ABL1: variants seen among roughly 807,000 people sequenced by gnomAD.
The protein encoded by ABL1 is ABL proto-oncogene 1, non-receptor tyrosine kinase, also known as tyrosine-protein kinase ABL1.
A neutral mutation model predicts 94.7 loss-of-function variants in ABL1; 11 were observed. The observed-to-expected ratio is 0.12, with a 90% CI of 0.07 to 0.19. The LOEUF (loss-of-function observed/expected upper bound fraction) is 0.19. Ranked by LOEUF, ABL1 falls within the 10% of genes least tolerant of loss-of-function variation. The pLI, the probability that ABL1 is intolerant of heterozygous loss-of-function variation, is 1.00. For missense variants in ABL1, 1,082 were observed against 1,489.4 expected, an observed-to-expected ratio of 0.73 and a Z score of 4.50; for synonymous variants, 656 against 622.4, an observed-to-expected ratio of 1.05 and a Z score of -0.80.
At chr9:130,856,081 G>GT (rs1354419400) in intron 3 of ABL1, among the ~76,000 whole-genome samples, 1 of 151,928 alleles carries the variant, frequency 6.6e-6, no homozygotes, top group Non-Finnish European at 1.5e-5. Flanking sequence ...ATGCCCAGCT[G>GT]TTTTTTGTTT....
intron 1 of ABL1, among the ~76,000 whole-genome samples, chr9:130,800,844 T>C (rs1830044991): frequency 6.6e-6 from 1 of 152,238 alleles, no homozygotes; most frequent in African/African-American, 2.4e-5. Context: ...ACAGCTGCTA[T>C]GAACATTTGT....
intron 1 of ABL1, among the ~76,000 whole-genome samples, chr9:130,828,430 G>A (rs990520043): frequency 2.0e-5 from 3 of 152,176 alleles, no homozygotes; most frequent in Non-Finnish European, 4.4e-5. Flanking sequence ...AGAAGATGTG[G>A]AAAATTGTCT....
rs34319384 is a variant in ABL1 at position 130,748,061 on chromosome 9, A to G, written c.136+33606A>G. ...CCTGGTATCCTCGGCTGAACTGGCT[A>G]TTGTCGGTATTTTTAATTTTAGCCA... On this transcript the variant is annotated intron_variant, in intron 1 of 10. Coordinates refer to the ABL1 transcript ENST00000372348. Among the ~76,000 whole-genome samples the G allele has an allele frequency of 3.3e-5, 5 of 152,214 alleles. No individual in the cohort carries two copies. The East Asian group carries it at 5.8e-4, about 18-fold the overall frequency.
At chr9:130,754,337 T>A (rs1832014071) in intron 1 of ABL1, among the ~76,000 whole-genome samples, 1 of 150,360 alleles carries the variant, frequency 6.7e-6, no homozygotes, top group African/African-American at 2.5e-5. Flanking sequence ...TGAAACCCCG[T>A]CTCTACTAAA....
chr9:130,808,638 A>C (rs1273404566), intron 1 of ABL1, among the ~76,000 whole-genome samples: 3 of 152,164 alleles, frequency 2.0e-5, no homozygotes, highest in Non-Finnish European at 4.4e-5. Flanking sequence ...TTCATCTTTT[A>C]CATAAAATAA....
At chr9:130,866,514 A>G (rs1831159725) in intron 4 of ABL1, among the ~76,000 whole-genome samples, 1 of 151,968 alleles carries the variant, frequency 6.6e-6, no homozygotes, top group Non-Finnish European at 1.5e-5. Flanking sequence ...CCTGTTTCCT[A>G]TCGCTGGCTT....
chr9:130,814,530 C>T lies in ABL1; in HGVS notation c.137-39534C>T, dbSNP rs1364572898. On this transcript the variant is annotated intron_variant, in intron 1 of 10. Coordinates refer to the ABL1 transcript ENST00000372348. The surrounding 1 kb of genome is among the most constrained non-coding windows in gnomAD (Gnocchi z 4.4). Reference sequence around the variant, plus strand: ...AGTGTAATAACTGAATATTGATCAGCAATCTAGAAGAAACAGATTCCTTGA... The same window carrying T: ...AGTGTAATAACTGAATATTGATCAGTAATCTAGAAGAAACAGATTCCTTGA... Among the ~76,000 whole-genome samples the T allele has an allele frequency of 1.3e-5, 2 of 152,224 alleles. No individual in the cohort carries two copies. The highest frequency in any genetic ancestry group is 2.9e-5 in the Non-Finnish European group (2 of 68,040).
upstream of ABL1, chr9:130,834,840 T>C (rs760242057): frequency 4.4e-6 from 2 of 453,436 alleles, no homozygotes; most frequent in South Asian, 3.1e-5. Context: ...CCAGTTAGTA[T>C]TGGTAACTGC....
intron 1 of ABL1, among the ~76,000 whole-genome samples, chr9:130,784,644 C>A (rs535273507): frequency 6.6e-6 from 1 of 152,214 alleles, no homozygotes; most frequent in Admixed American, 6.5e-5. Flanking sequence ...CTGGTCTGGT[C>A]CCTGGGCCTT....
At chr9:130,817,948 C>T (rs534981240) in intron 1 of ABL1, among the ~76,000 whole-genome samples, 7 of 152,210 alleles carry the variant, frequency 4.6e-5, no homozygotes, top group East Asian at 1.9e-4. Flanking sequence ...CATTTCTCTT[C>T]GGTAAATAAT....
chr9:130,785,950 A>AG (rs1201542811), intron 1 of ABL1, among the ~76,000 whole-genome samples: 5 of 151,648 alleles, frequency 3.3e-5, no homozygotes, highest in African/African-American at 1.2e-4. Flanking sequence ...AAAAAAAAAA[A>AG]AAAAATCTCC....
chr9:130,865,550 C>T (rs1006495374), intron 4 of ABL1, among the ~76,000 whole-genome samples: 3 of 152,100 alleles, frequency 2.0e-5, no homozygotes, highest in African/African-American at 7.2e-5. Context: ...AGTTAAAGAC[C>T]AGCCTGGGCA....
intron 1 of ABL1, among the ~76,000 whole-genome samples, chr9:130,813,830 C>T (rs1336797474): frequency 6.6e-6 from 1 of 152,168 alleles, no homozygotes; most frequent in Admixed American, 6.6e-5. Flanking sequence ...GACGTCTCAA[C>T]TTACATTTTT....
At chr9:130,813,175 A>T (rs1830233271) in intron 1 of ABL1, among the ~76,000 whole-genome samples, 1 of 151,656 alleles carries the variant, frequency 6.6e-6, no homozygotes, top group Non-Finnish European at 1.5e-5. Context: ...AGATTGCACT[A>T]CTGCACTCCA....
intron 4 of ABL1, among the ~76,000 whole-genome samples, chr9:130,869,277 A>G (rs563546537): frequency 3.9e-5 from 6 of 152,352 alleles, no homozygotes; most frequent in East Asian, 1.9e-4. Context: ...TCTACAAGCT[A>G]TCTGTTCGGT....
intron 1 of ABL1, among the ~76,000 whole-genome samples, chr9:130,735,920 T>TGG: frequency 7.2e-6 from 1 of 138,294 alleles, no homozygotes; most frequent in African/African-American, 2.8e-5. Flanking sequence ...TATGTGTGTG[T>TGG]ATGCATGTGT....
At chr9:130,804,271 A>C (rs911929565) in intron 1 of ABL1, among the ~76,000 whole-genome samples, 4 of 150,052 alleles carry the variant, frequency 2.7e-5, no homozygotes, top group African/African-American at 1.0e-4. Flanking sequence ...AGGCAGAAAA[A>C]CGGCGTGAAC....
intron 4 of ABL1, among the ~76,000 whole-genome samples, chr9:130,868,053 G>A (rs746542253): frequency 2.3e-4 from 35 of 151,218 alleles, no homozygotes; most frequent in Non-Finnish European, 3.2e-4. Flanking sequence ...TCCACCTCCC[G>A]GGTTCAAGCA....
intron 1 of ABL1, among the ~76,000 whole-genome samples, chr9:130,791,692 C>A (rs138289967): frequency 6.6e-6 from 1 of 152,170 alleles, no homozygotes; most frequent in South Asian, 2.1e-4. Context: ...GACTCTTGGA[C>A]TTGTACCAGT....
Sources: gnomAD v4.1 joint callset for allele counts (sites outside exome capture counted in the v4.1 genomes callset) on GRCh38, gnomAD v4.1.1 for gene constraint, Gnocchi (gnomAD v3.1) non-coding constraint, MANE v1.5 for transcripts, NCBI Gene and HGNC (gene_info 2026-07-23, HGNC 2026-07-21) for gene names.